Variants in ATRNL1 observed in about 807,000 individuals in gnomAD.
ATRNL1 encodes attractin like 1, also known as attractin-like protein 1.
ATRNL1 carries 95 observed loss-of-function variants against 182.7 expected under a neutral mutation model. That is an observed-to-expected ratio of 0.52 (90% CI 0.44 to 0.62). The LOEUF (loss-of-function observed/expected upper bound fraction) is 0.62. ATRNL1 is among the 20% of genes least tolerant of loss of function. The pLI is 0.00. For missense variants in ATRNL1, 1,471 were observed against 1,679.5 expected (o/e 0.88, Z 2.17); for synonymous variants, 576 against 568.3 (o/e 1.01, Z -0.19).
intron 26 of ATRNL1, among the ~76,000 whole-genome samples, chr10:115,698,516 AAGCCTGTAATCCC>A (rs1163409701): frequency 1.3e-5 from 2 of 152,180 alleles, no homozygotes; most frequent in Admixed American, 6.5e-5. Flanking sequence ...ACGGTGGCTC[AAGCCTGTAATCCC>A]AGCACTTTGG....
At chr10:115,889,781 G>A (rs1179873680) in intron 28 of ATRNL1, among the ~76,000 whole-genome samples, 3 of 152,100 alleles carry the variant, frequency 2.0e-5, no homozygotes, top group South Asian at 2.1e-4. Context: ...GAGAATGAGC[G>A]CATATAAGTA....
chr10:115,294,458 T>C (rs973513153), intron 15 of ATRNL1, among the ~76,000 whole-genome samples: 2 of 152,252 alleles, frequency 1.3e-5, no homozygotes, highest in Admixed American at 6.5e-5. Flanking sequence ...CTGATATCTC[T>C]GTTGTTGAAT....
At chr10:115,866,452 T>C (rs1411290612) in intron 28 of ATRNL1, among the ~76,000 whole-genome samples, 1 of 152,252 alleles carries the variant, frequency 6.6e-6, no homozygotes, top group Non-Finnish European at 1.5e-5. Context: ...TATTTTCTTA[T>C]GTTTTCTCAT....
intron 26 of ATRNL1, among the ~76,000 whole-genome samples, chr10:115,703,527 A>T (rs1555052239): frequency 2.6e-5 from 4 of 152,034 alleles, no homozygotes; most frequent in African/African-American, 9.6e-5. Context: ...GCAGGGAGAT[A>T]AAATAGGGAA....
At chr10:115,456,774 T>C (rs1847545095) in intron 21 of ATRNL1, among the ~76,000 whole-genome samples, 1 of 152,172 alleles carries the variant, frequency 6.6e-6, no homozygotes, top group African/African-American at 2.4e-5. Context: ...CTAAGCTTTT[T>C]TTGAACACTC....
chr10:115,203,868 A>G (rs529504175), intron 8 of ATRNL1, among the ~76,000 whole-genome samples: 204 of 148,572 alleles, frequency 1.4e-3, no homozygotes, highest in African/African-American at 4.9e-3. Flanking sequence ...AAATGCTGGG[A>G]TTACAGGAAT....
intron 26 of ATRNL1, among the ~76,000 whole-genome samples, chr10:115,679,961 A>T (rs969137680): frequency 2.6e-5 from 4 of 152,264 alleles, no homozygotes; most frequent in Admixed American, 1.3e-4. Context: ...CCTAGAACTT[A>T]AACACATGAG....
Position 115,215,834 on chromosome 10 carries a change from G to A in ATRNL1, c.1486G>A (p.Gly496Arg), listed in dbSNP as rs782137157. The A allele has an allele frequency of 1.9e-6, 3 of 1,594,152 alleles. No individual in the cohort carries two copies. Among genetic ancestry groups the A allele is most frequent in the Non-Finnish European group, 1.7e-6 (2 of 1,173,290 alleles). The change falls in exon 9 of 29, where the codon GGA (glycine) becomes AGA (arginine). Residue 496 changes from glycine (G) to arginine (R), a missense_variant. Physicochemically the swap from Gly to Arg is moderately radical, Grantham distance 125. Around this residue, in one of 3 missense-constraint regions of ATRNL1, gnomAD observed 1,031 missense variants for 1,156.0 expected, o/e 0.89. Coordinates refer to ENST00000355044, the MANE Select transcript of ATRNL1 (RefSeq NM_207303.4). ...TAAAGCATTGCCAGGGAACAAATAT[G>A]GATTGGTTGATGATCTTTATAAATA... ...GYKALPGNKY[G>R]LVDDLYKYEV... is the part of the protein sequence containing the mutation.
intron 17 of ATRNL1, among the ~76,000 whole-genome samples, chr10:115,305,637 C>G (rs1467285042): frequency 3.9e-5 from 6 of 152,170 alleles, no homozygotes; most frequent in African/African-American, 1.4e-4. Flanking sequence ...TCATGCTTGT[C>G]TCTCGACAAA....
chr10:115,370,050 A>G (rs529358225), intron 19 of ATRNL1, among the ~76,000 whole-genome samples: 1 of 152,300 alleles, frequency 6.6e-6, no homozygotes, highest in Admixed American at 6.5e-5. Context: ...AAGTCTCCCA[A>G]GATCTGATGG....
intron 27 of ATRNL1, among the ~76,000 whole-genome samples, chr10:115,742,338 T>C (rs1555067887): frequency 6.6e-6 from 1 of 152,114 alleles, no homozygotes; most frequent in East Asian, 1.9e-4. Context: ...GAAGTATTAA[T>C]TTTAGAAAGA....
chr10:115,383,696 A>G (rs1436478120), intron 19 of ATRNL1, among the ~76,000 whole-genome samples: 1 of 151,996 alleles, frequency 6.6e-6, no homozygotes, highest in Non-Finnish European at 1.5e-5. Context: ...TCAGAAATAT[A>G]TTTTAAATTG....
chr10:115,115,945 T>A (rs557151302), intron 1 of ATRNL1, among the ~76,000 whole-genome samples: 1 of 152,224 alleles, frequency 6.6e-6, no homozygotes, highest in Non-Finnish European at 1.5e-5. Context: ...CAGCCCAGCA[T>A]GCTTTTAATT....
chr10:115,607,356 C>T (rs782465594), intron 26 of ATRNL1, among the ~76,000 whole-genome samples: 4 of 151,622 alleles, frequency 2.6e-5, no homozygotes, highest in Admixed American at 6.6e-5. Context: ...TATTTGAATT[C>T]TCTGTTTATG....
chr10:115,257,816 C>T (rs1203260910), intron 10 of ATRNL1, among the ~76,000 whole-genome samples: 3 of 152,160 alleles, frequency 2.0e-5, no homozygotes, highest in African/African-American at 7.2e-5. Flanking sequence ...GTGACAAAAT[C>T]TCTCAGCATT....
intron 19 of ATRNL1, among the ~76,000 whole-genome samples, chr10:115,389,503 A>AAT (rs1843858529): frequency 7.3e-6 from 1 of 137,538 alleles, no homozygotes; most frequent in African/African-American, 2.6e-5. Flanking sequence ...TCCGTCTCAA[A>AAT]AAAAAAAAAA....
chr10:115,194,932 T>C (rs1427936472), intron 8 of ATRNL1, among the ~76,000 whole-genome samples: 5 of 151,914 alleles, frequency 3.3e-5, no homozygotes, highest in African/African-American at 1.2e-4. Flanking sequence ...GATGACAAAT[T>C]AATTTTGATT....
At chr10:115,576,997 C>T (rs1854755769) in intron 26 of ATRNL1, among the ~76,000 whole-genome samples, 1 of 151,552 alleles carries the variant, frequency 6.6e-6, no homozygotes, top group South Asian at 2.1e-4. Flanking sequence ...ACTATCCATT[C>T]CCTATTGTGT....
At chr10:115,344,373 T>C (rs1855885261) in intron 19 of ATRNL1, among the ~76,000 whole-genome samples, 1 of 152,162 alleles carries the variant, frequency 6.6e-6, no homozygotes, top group Admixed American at 6.5e-5. Flanking sequence ...CTTCCCTCCC[T>C]TTTCCAAAGG....
Sources: gnomAD v4.1 joint callset for allele counts (sites outside exome capture counted in the v4.1 genomes callset) on GRCh38, gnomAD v4.1.1 for gene constraint, gnomAD v4.1.1 regional missense constraint, MANE v1.5 for transcripts, NCBI Gene and HGNC (gene_info 2026-07-23, HGNC 2026-07-21) for gene names.